The following RBM45 variants were observed in gnomAD, a reference collection of about 807,000 sequenced individuals.
RBM45 encodes RNA binding motif protein 45.
In RBM45, 39 loss-of-function variants were observed where a neutral mutation model predicts 58.5. That is an observed-to-expected ratio of 0.67 (90% confidence interval 0.52 to 0.87). The LOEUF (loss-of-function observed/expected upper bound fraction) is 0.87. Ranked by LOEUF, RBM45 falls within the 40% of genes least tolerant of loss-of-function variation. The pLI is 0.00. For synonymous variants in RBM45, 193 were observed against 203.0 expected (o/e 0.95, Z 0.42); for missense variants, 481 against 581.6 (o/e 0.83, Z 1.78).
intron 9 of RBM45, among the ~76,000 whole-genome samples, chr2:178,126,704 T>A (rs2087934010): frequency 6.6e-6 from 1 of 152,206 alleles, no homozygotes; most frequent in African/African-American, 2.4e-5. Context: ...GGACTTGTAT[T>A]TGTGAGTTTG....
At chr2:178,138,062 GTAAA>G (rs2088059249) in exon 4 of RBM45, 1 of 152,162 alleles carries the variant, frequency 6.6e-6, no homozygotes, top group Non-Finnish European at 1.5e-5. Context: ...GTCAGAAATA[GTAAA>G]TAGTCATAGC....
downstream of RBM45, among the ~76,000 whole-genome samples, chr2:178,132,700 G>A (rs888180166): frequency 6.6e-6 from 1 of 152,122 alleles, no homozygotes; most frequent in Non-Finnish European, 1.5e-5. Flanking sequence ...AAGCGATTCT[G>A]CTGCCTCAGC....
chr2:178,136,093 G>A (rs999461243), intron 3 of RBM45, among the ~76,000 whole-genome samples: 16 of 152,120 alleles, frequency 1.1e-4, no homozygotes, highest in African/African-American at 3.4e-4. Context: ...GGCAGATCAC[G>A]AGGTCAGGAG....
chr2:178,122,312 A>G (rs768951277), intron 5 of RBM45, among the ~76,000 whole-genome samples: 1 of 152,092 alleles, frequency 6.6e-6, no homozygotes, highest in Non-Finnish European at 1.5e-5. Flanking sequence ...TTGTAAGGAT[A>G]CCTGATTTAG....
downstream of RBM45, among the ~76,000 whole-genome samples, chr2:178,134,055 G>A (rs984874093): frequency 1.3e-5 from 2 of 152,116 alleles, no homozygotes; most frequent in African/African-American, 2.4e-5. Flanking sequence ...AGAAAGTTAC[G>A]AGGCCCTGTG....
chr2:178,124,137 G>A lies in RBM45; in HGVS notation c.1079G>A (p.Gly360Glu), dbSNP rs898931602. 6 of 1,582,414 alleles carry A rather than the reference G, an allele frequency of 3.8e-6. No individual in the cohort carries two copies. The African/African-American group carries it at 6.9e-5, about 18-fold the overall frequency. Residue 360 changes from glycine (G) to glutamate (E), a missense_variant, in exon 8 of 10, where the codon GGA becomes GAA. Gly to Glu is a moderately conservative substitution (Grantham distance 98). Coordinates refer to ENST00000286070, the MANE Select transcript of RBM45 (RefSeq NM_152945.4). ...TCTACCTGTTAACAGCAATTTGGAGGAAGCTCTGGATCACAGTTGCCTCAA... is the reference window on the plus strand; with the variant it reads ...TCTACCTGTTAACAGCAATTTGGAGAAAGCTCTGGATCACAGTTGCCTCAA... ...PSQQQFMQFG[G>E]SSGSQLPQIQ...
intron 3 of RBM45, among the ~76,000 whole-genome samples, chr2:178,119,931 A>G (rs1222248108): frequency 6.6e-6 from 1 of 152,216 alleles, no homozygotes. Context: ...GTGCATTTCA[A>G]AGGAAGAAAC....
downstream of RBM45, among the ~76,000 whole-genome samples, chr2:178,131,141 G>A (rs1001483358): frequency 1.3e-5 from 2 of 152,142 alleles, no homozygotes; most frequent in African/African-American, 2.4e-5. Flanking sequence ...ACCTAAACAA[G>A]GGAAGTTGTG....
Position 178,112,725 on chromosome 2 carries a change from A to G in RBM45, c.179A>G (p.Lys60Arg). ...DIQDIWVVRDKHTKESKGIAF... is the reference protein window; with the variant it reads ...DIQDIWVVRDRHTKESKGIAF... ...CAGGACATCTGGGTGGTGCGGGACA[A>G]GCACACCAAGGAGTCCAAGGGCATT... Residue 60 changes from lysine (K) to arginine (R), a missense_variant, in exon 1 of 10, where the codon AAG becomes AGG. By Grantham distance (26) the Lys-to-Arg change is conservative (BLOSUM62 2). Transcript: ENST00000286070. 1 of 1,614,180 alleles carries G rather than the reference A, an allele frequency of 6.2e-7. No homozygotes were observed. Among genetic ancestry groups the G allele is most frequent in the Non-Finnish European group, 8.5e-7 (1 of 1,180,036 alleles).
exon 4 of RBM45, chr2:178,137,165 A>T (rs903589851): frequency 7.2e-5 from 11 of 152,240 alleles, no homozygotes; most frequent in Admixed American, 2.0e-4. Flanking sequence ...CGTATTAGTC[A>T]TCAATGAACT....
At position 178,123,647 on chromosome 2, in the gene RBM45, A is replaced by G; in HGVS notation, c.979A>G (p.Thr327Ala). The change falls in exon 6 of 10, where the codon ACA (threonine) becomes GCA (alanine). Residue 327 changes from threonine (T) to alanine (A), a missense_variant. By Grantham distance (58) the Thr-to-Ala change is moderately conservative. Coordinates refer to ENST00000286070, the MANE Select transcript of RBM45 (RefSeq NM_152945.4). Reference protein sequence around the residue: ...VSFIDDGSNATDLLRKMATQM... With the variant: ...VSFIDDGSNAADLLRKMATQM... Reference sequence around the variant, plus strand: ...CTTCATTGATGATGGAAGTAATGCAACAGAGTAAGTACCATTCCAGGAGTG... The same window carrying G: ...CTTCATTGATGATGGAAGTAATGCAGCAGAGTAAGTACCATTCCAGGAGTG... 1 of 1,605,044 alleles carries G rather than the reference A, an allele frequency of 6.2e-7. No homozygotes were observed. The highest frequency in any genetic ancestry group is 8.5e-7 in the Non-Finnish European group (1 of 1,176,854).
At chr2:178,112,874 C>CG in intron 1 of RBM45, 28 bp downstream of exon 1, 1 of 1,593,824 alleles carries the variant, frequency 6.3e-7, no homozygotes, top group Non-Finnish European at 8.6e-7. Context: ...GGGGTGCCCT[C>CG]GGGGGAAGGA....
chr2:178,112,934 G>A lies in RBM45; in HGVS notation c.300+88G>A, dbSNP rs1330640355. 6 of 1,385,910 alleles carry A rather than the reference G, an allele frequency of 4.3e-6. No individual in the cohort carries two copies. The East Asian group carries it at 1.4e-4, about 33-fold the overall frequency. 85.9% of individuals were successfully genotyped at this position (1,385,910 alleles called of 1,614,324 possible). A position where few individuals can be genotyped will look rare whatever the true frequency, so the allele number is the denominator to read the frequency against. ...CCTGCTGCTCTGCCGGGGTGAGGGA[G>A]GAGTGGAACATCCGTTCCCGGCAGC... On this transcript the variant is annotated intron_variant, in intron 1 of 9. Transcript: ENST00000286070.
In RBM45 at chr2:178,121,379, A is replaced by G. The variant is rs1437212537; in HGVS notation, c.853+20A>G. On this transcript the variant is annotated intron_variant, in intron 5 of 9. Coordinates refer to ENST00000286070, the MANE Select transcript of RBM45 (RefSeq NM_152945.4). ...ATTATGGTAAAATAATGTTCACATT[A>G]AAAAATATATATATATGTATATATA... 5.8e-6 allele frequency: 7 copies of G among 1,210,576 alleles called. No individual in the cohort carries two copies. Among genetic ancestry groups the G allele is most frequent in the Non-Finnish European group, 8.0e-6 (7 of 877,494 alleles). The allele number at this position is 1,210,576 out of a possible 1,614,324, so 75.0% of individuals were successfully genotyped here.
intron 5 of RBM45, 44 bp downstream of exon 5, chr2:178,121,403 TACACAC>T (rs55710214): frequency 0.37 from 219,173 of 587,744 alleles, 47,141 homozygotes; most frequent in Non-Finnish European, 0.4. Context: ...TATGTATATA[TACACAC>T]ACACACACAC....
chr2:178,121,261 CAA>C lies in RBM45; in HGVS notation c.756_757del (p.Arg253SerfsTer5), dbSNP rs779412104. 6.3e-7 allele frequency: 1 copy of C among 1,599,620 alleles called. No individual in the cohort carries two copies. ...ATCTCCAAACGCTTGTCAGTTGTAT[CAA>C]GAGTTCCTTTCACTGAAGAACAGCT... is the stretch of plus-strand genomic sequence containing the variant. On this transcript the variant is annotated frameshift_variant, in exon 5 of 10. Coordinates refer to ENST00000286070, the MANE Select transcript of RBM45 (RefSeq NM_152945.4). LOFTEE classifies it high-confidence loss of function.
At chr2:178,116,148 C>A in intron 1 of RBM45, 114 bp from the exon 2 acceptor site, 22 of 1,306,964 alleles carry the variant, frequency 1.7e-5, no homozygotes, top group Non-Finnish European at 2.2e-5. Context: ...TCTTTGAGAC[C>A]CTGTCTCAAA....
In RBM45 at chr2:178,135,191, A is replaced by G. The variant is rs190112304; in HGVS notation, c.*9-1272A>G. 2.0e-5 allele frequency among the ~76,000 whole-genome samples: 3 copies of G among 152,330 alleles called. No homozygotes were observed. In the East Asian group the frequency reaches 5.8e-4, roughly 29 times the overall value. ...CATTTTGAAGAGGATAGAGAAGAAG[A>G]TTTTAATCTGTTACTTAAAGGACTG... On this transcript the variant is annotated intron_variant, in intron 3 of 3. Coordinates refer to the RBM45 transcript ENST00000455903.
chr2:178,112,866 G>T lies in RBM45; in HGVS notation c.300+20G>T. On this transcript the variant is annotated intron_variant, in intron 1 of 9. Transcript: ENST00000286070. ...ATCAAGGTGCGGGTGCCCGGGTCGGGGTGCCCTCGGGGGAAGGAGTGGGCC... is the reference window on the plus strand; with the variant it reads ...ATCAAGGTGCGGGTGCCCGGGTCGGTGTGCCCTCGGGGGAAGGAGTGGGCC... 1 of 1,596,374 alleles carries T rather than the reference G, an allele frequency of 6.3e-7. No homozygotes were observed. Among genetic ancestry groups the T allele is most frequent in the Non-Finnish European group, 8.6e-7 (1 of 1,166,784 alleles).
Sources: allele counts gnomAD v4.1 joint callset (sites outside exome capture counted in the v4.1 genomes callset), GRCh38; gene constraint gnomAD v4.1.1; transcripts MANE v1.5; gene names NCBI Gene and HGNC (gene_info 2026-07-23, HGNC 2026-07-21).